Variants in NEGR1 observed in about 807,000 individuals in gnomAD.
NEGR1 encodes the protein neuronal growth regulator 1, also known as IgLON family member 4.
Under a neutral mutation model 40.9 loss-of-function variants are expected in NEGR1, and 10 were observed. The observed-to-expected ratio is 0.24, with a 90% confidence interval of 0.15 to 0.42. The LOEUF is 0.42. Among genes scored for constraint, NEGR1 ranks in the 10% least tolerant of loss-of-function variants. The probability of loss-of-function intolerance (pLI) is 1.00; values close to 1 mark genes in which losing one functional copy is unlikely to be tolerated. For synonymous variants in NEGR1, 185 were observed against 166.8 expected, an observed-to-expected ratio of 1.11 and a Z score of -0.84; for missense variants, 352 against 438.9, an observed-to-expected ratio of 0.80 and a Z score of 1.77.
chr1:71,520,190 C>A (rs1204923769), intron 6 of NEGR1, among the ~76,000 whole-genome samples: 1 of 151,938 alleles, frequency 6.6e-6, no homozygotes, highest in Non-Finnish European at 1.5e-5. Flanking sequence ...TGAAAATGAC[C>A]AGTGGTGGGG....
intron 5 of NEGR1, among the ~76,000 whole-genome samples, chr1:71,603,687 A>G (rs1426320185): frequency 6.6e-6 from 1 of 152,208 alleles, no homozygotes; most frequent in African/African-American, 2.4e-5. Context: ...GAAAGCAAGT[A>G]TCTTAAAGTA....
intron 6 of NEGR1, among the ~76,000 whole-genome samples, chr1:71,524,298 T>C (rs1647190315): frequency 6.8e-6 from 1 of 146,612 alleles, no homozygotes; most frequent in South Asian, 2.2e-4. Context: ...GATCTTGGAG[T>C]CTTCTTTTTA....
At chr1:72,039,979 T>C (rs1411873124) in intron 1 of NEGR1, among the ~76,000 whole-genome samples, 1 of 151,938 alleles carries the variant, frequency 6.6e-6, no homozygotes, top group Non-Finnish European at 1.5e-5. Context: ...AAAAGTGTAG[T>C]ATAAAATGTA....
chr1:71,550,431 G>A (rs1359233755), intron 6 of NEGR1, among the ~76,000 whole-genome samples: 1 of 151,420 alleles, frequency 6.6e-6, no homozygotes, highest in East Asian at 2.0e-4. Context: ...ACTTGCTCCT[G>A]GCAAGGTTCA....
chr1:71,998,727 T>A (rs1358822849), intron 1 of NEGR1, among the ~76,000 whole-genome samples: 5 of 151,260 alleles, frequency 3.3e-5, no homozygotes, highest in African/African-American at 4.8e-5. Flanking sequence ...TCATATATAT[T>A]AATTCTTTTA....
chr1:71,743,352 C>T (rs552825282), intron 3 of NEGR1, among the ~76,000 whole-genome samples: 5 of 149,650 alleles, frequency 3.3e-5, no homozygotes, highest in Admixed American at 2.7e-4. Context: ...ACTGCAGTTA[C>T]TTGTTTTTTT....
intron 4 of NEGR1, among the ~76,000 whole-genome samples, chr1:71,629,553 G>T (rs1334576398): frequency 1.3e-5 from 2 of 151,916 alleles, no homozygotes; most frequent in Non-Finnish European, 2.9e-5. Context: ...TGGTGTATAG[G>T]AATGCTTGTG....
In NEGR1 at chr1:71,935,317, A is replaced by C; in HGVS notation, c.177-6T>G. The C allele has an allele frequency of 6.4e-7, 1 of 1,558,482 alleles. No individual in the cohort carries two copies. The highest frequency in any genetic ancestry group is 8.9e-7 in the Non-Finnish European group (1 of 1,129,418). On this transcript the variant is annotated splice_polypyrimidine_tract_variant and splice_region_variant and intron_variant, in intron 1 of 6. Coordinates refer to ENST00000357731, the MANE Select transcript of NEGR1 (RefSeq NM_173808.3). ...CTCCATCTTCCAAATAACACCTACA[A>C]ATTACAAGAGATACAACACTATTAA...
At chr1:72,257,312 ACT>A (rs1343372497) in intron 1 of NEGR1, among the ~76,000 whole-genome samples, 1 of 121,180 alleles carries the variant, frequency 8.3e-6, no homozygotes, top group Non-Finnish European at 1.6e-5. Flanking sequence ...ACAGAGCGAG[ACT>A]CTGTCTCAAA....
At chr1:71,898,460 G>GA (rs997578609) in intron 2 of NEGR1, among the ~76,000 whole-genome samples, 1 of 151,972 alleles carries the variant, frequency 6.6e-6, no homozygotes, top group Non-Finnish European at 1.5e-5. Context: ...CTAAAAATAA[G>GA]AAAAATTAGC....
chr1:71,610,736 A>C (rs1288377985), intron 5 of NEGR1, among the ~76,000 whole-genome samples: 1 of 152,166 alleles, frequency 6.6e-6, no homozygotes, highest in Non-Finnish European at 1.5e-5. Flanking sequence ...CTTCCCAAAT[A>C]AACTGAGTTG....
At chr1:71,866,685 T>C (rs892431928) in intron 2 of NEGR1, among the ~76,000 whole-genome samples, 1 of 152,164 alleles carries the variant, frequency 6.6e-6, no homozygotes, top group African/African-American at 2.4e-5. Context: ...GAGGACAGGG[T>C]AACTTTTATG....
At chr1:71,823,511 G>C (rs1056385754) in intron 2 of NEGR1, among the ~76,000 whole-genome samples, 3 of 151,946 alleles carry the variant, frequency 2.0e-5, no homozygotes, top group Non-Finnish European at 4.4e-5. Context: ...TGCATTTCCA[G>C]GTGATCCTTG....
intron 1 of NEGR1, among the ~76,000 whole-genome samples, chr1:72,034,142 A>T (rs1646882534): frequency 6.6e-6 from 1 of 151,986 alleles, no homozygotes; most frequent in South Asian, 2.1e-4. Context: ...AATGTGTAGA[A>T]TTTTTTTTGG....
At chr1:71,495,216 C>T (rs183676414) in intron 6 of NEGR1, among the ~76,000 whole-genome samples, 5 of 152,178 alleles carry the variant, frequency 3.3e-5, no homozygotes, top group African/African-American at 7.2e-5. Context: ...TGGTGGCTCA[C>T]GCCTATAATC....
chr1:71,658,054 C>A (rs1651933224), intron 4 of NEGR1, among the ~76,000 whole-genome samples: 1 of 152,170 alleles, frequency 6.6e-6, no homozygotes, highest in African/African-American at 2.4e-5. Context: ...ATGATCCCTG[C>A]ACAGCTCCAG....
intron 1 of NEGR1, among the ~76,000 whole-genome samples, chr1:72,248,386 T>G (rs1654969901): frequency 6.6e-6 from 1 of 151,680 alleles, no homozygotes; most frequent in Non-Finnish European, 1.5e-5. Context: ...GCCTCCCGAG[T>G]AGCTAGGATT....
chr1:72,117,293 T>TTTTG (rs142892388), intron 1 of NEGR1, among the ~76,000 whole-genome samples: 12 of 151,870 alleles, frequency 7.9e-5, no homozygotes, highest in South Asian at 6.2e-4. Flanking sequence ...GTTTATGCAT[T>TTTTG]TTTGTTTGTT....
intron 1 of NEGR1, among the ~76,000 whole-genome samples, chr1:72,013,973 A>T (rs866462519): frequency 2.8e-4 from 39 of 137,876 alleles, no homozygotes; most frequent in African/African-American, 8.7e-4. Context: ...TAAAAAAAAA[A>T]AAAAAAAAAA....
Sources: gnomAD v4.1 joint callset for allele counts (sites outside exome capture counted in the v4.1 genomes callset) on GRCh38, gnomAD v4.1.1 for gene constraint, MANE v1.5 for transcripts, NCBI Gene and HGNC (gene_info 2026-07-23, HGNC 2026-07-21) for gene names.